The following TMCC1 variants were observed in gnomAD, a reference collection of about 807,000 sequenced individuals.
TMCC1 encodes transmembrane and coiled-coil domains protein 1.
In TMCC1, 15 loss-of-function variants were observed where a neutral mutation model predicts 52.4. The ratio of observed to expected loss-of-function variants is 0.29; its 90% CI spans 0.19 to 0.44. The LOEUF is 0.44. Ranked by LOEUF, TMCC1 falls within the 20% of genes least tolerant of loss-of-function variation. The pLI is 1.00. For missense variants in TMCC1, 503 were observed against 806.0 expected, an observed-to-expected ratio of 0.62 and a Z score of 4.55; for synonymous variants, 279 against 301.9, an observed-to-expected ratio of 0.92 and a Z score of 0.79.
At chr3:129,748,172 C>A (rs1397741687) in intron 4 of TMCC1, among the ~76,000 whole-genome samples, 1 of 152,168 alleles carries the variant, frequency 6.6e-6, no homozygotes, top group African/African-American at 2.4e-5. Context: ...CCAGGTTCAA[C>A]ACTTCCTGTG....
chr3:129,781,728 G>A (rs1472604225), intron 4 of TMCC1, among the ~76,000 whole-genome samples: 4 of 152,084 alleles, frequency 2.6e-5, no homozygotes, highest in Admixed American at 6.6e-5. Flanking sequence ...GAGAAAGGAA[G>A]GCACTGGAGG....
chr3:129,757,389 T>C (rs1052155603), intron 4 of TMCC1, among the ~76,000 whole-genome samples: 3 of 152,180 alleles, frequency 2.0e-5, no homozygotes, highest in African/African-American at 7.2e-5. Context: ...TTCTTCTCTC[T>C]CATGCATTTT....
At chr3:129,766,772 C>T (rs929722165) in intron 4 of TMCC1, among the ~76,000 whole-genome samples, 2 of 151,870 alleles carry the variant, frequency 1.3e-5, no homozygotes, top group African/African-American at 4.8e-5. Flanking sequence ...GCGTGCAACA[C>T]CACACCTGGC....
chr3:129,883,284 T>C (rs371917132), intron 1 of TMCC1, among the ~76,000 whole-genome samples: 158 of 150,660 alleles, frequency 1.0e-3, no homozygotes, highest in African/African-American at 3.4e-3. Flanking sequence ...TGCACTCTAC[T>C]CTGGGTGACA....
chr3:129,822,222 T>G (rs530073298), intron 4 of TMCC1, among the ~76,000 whole-genome samples: 1 of 152,302 alleles, frequency 6.6e-6, no homozygotes, highest in South Asian at 2.1e-4. Flanking sequence ...AGGGAATCAT[T>G]TCAGTATTTG....
chr3:129,849,803 C>T (rs1194432471), intron 2 of TMCC1, among the ~76,000 whole-genome samples: 1 of 146,390 alleles, frequency 6.8e-6, no homozygotes, highest in African/African-American at 2.5e-5. Context: ...TCTCTACATA[C>T]ACACACACAT....
At chr3:129,816,681 G>C (rs1047677081) in intron 4 of TMCC1, among the ~76,000 whole-genome samples, 4 of 152,208 alleles carry the variant, frequency 2.6e-5, no homozygotes, top group Admixed American at 6.5e-5. Flanking sequence ...ATGTTTGATA[G>C]ATCAGTAGGG....
intron 4 of TMCC1, among the ~76,000 whole-genome samples, chr3:129,692,030 GA>G (rs2047063332): frequency 6.6e-6 from 1 of 152,114 alleles, no homozygotes; most frequent in Non-Finnish European, 1.5e-5. Context: ...TATCAGTTTG[GA>G]AACATTTTAA....
chr3:129,807,050 T>C (rs553287577), intron 4 of TMCC1, among the ~76,000 whole-genome samples: 14 of 152,308 alleles, frequency 9.2e-5, no homozygotes, highest in African/African-American at 2.9e-4. Flanking sequence ...AGAAACCTAT[T>C]TTTGCCTAAA....
chr3:129,722,143 C>T (rs1463196291), intron 4 of TMCC1, among the ~76,000 whole-genome samples: 2 of 152,040 alleles, frequency 1.3e-5, no homozygotes. Flanking sequence ...ACCCCTGGGC[C>T]GCAGACCAGT....
intron 4 of TMCC1, among the ~76,000 whole-genome samples, chr3:129,682,415 T>A (rs933528494): frequency 6.6e-6 from 1 of 152,174 alleles, no homozygotes. Flanking sequence ...GACAGTTGCA[T>A]TTTGCAACTG....
chr3:129,652,566 G>A (rs560130901), intron 6 of TMCC1, among the ~76,000 whole-genome samples: 91 of 152,246 alleles, frequency 6.0e-4, no homozygotes, highest in African/African-American at 2.1e-3. Flanking sequence ...GCCAGACAAG[G>A]TTAAATCTCA....
chr3:129,693,441 T>C (rs2047168059), intron 4 of TMCC1, among the ~76,000 whole-genome samples: 1 of 152,042 alleles, frequency 6.6e-6, no homozygotes, highest in Non-Finnish European at 1.5e-5. Flanking sequence ...CATGATACTA[T>C]CTTAATCAGG....
At chr3:129,818,421 G>A (rs1018952497) in intron 4 of TMCC1, among the ~76,000 whole-genome samples, 2 of 146,486 alleles carry the variant, frequency 1.4e-5, no homozygotes, top group African/African-American at 5.0e-5. Flanking sequence ...TTAAAGAAAA[G>A]TTTTAAAGAA....
chr3:129,806,571 C>T (rs1024062566), intron 4 of TMCC1, among the ~76,000 whole-genome samples: 3 of 152,276 alleles, frequency 2.0e-5, no homozygotes, highest in African/African-American at 7.2e-5. Flanking sequence ...CATTTTAATG[C>T]CTCTCTCAAA....
At chr3:129,827,714 A>G in intron 4 of TMCC1, 89 bp downstream of exon 4, 1 of 1,459,718 alleles carries the variant, frequency 6.9e-7, no homozygotes, top group South Asian at 1.4e-5. Flanking sequence ...ATTTGCTGAG[A>G]TATCTTTTTA....
At chr3:129,763,740 C>T (rs372053967) in intron 4 of TMCC1, among the ~76,000 whole-genome samples, 162 of 151,282 alleles carry the variant, frequency 1.1e-3, no homozygotes, top group African/African-American at 3.4e-3. Context: ...TAAGGAGAAT[C>T]GCTTGAACCC....
intron 4 of TMCC1, among the ~76,000 whole-genome samples, chr3:129,730,849 G>T (rs1200426265): frequency 1.3e-5 from 2 of 152,086 alleles, no homozygotes; most frequent in East Asian, 3.9e-4. Flanking sequence ...TAAACTGAAT[G>T]GTTATATAAC....
chr3:129,763,542 CAAAAAAAAA>C (rs11354197), intron 4 of TMCC1, among the ~76,000 whole-genome samples: 3 of 44,664 alleles, frequency 6.7e-5, no homozygotes, highest in African/African-American at 2.5e-4. Context: ...GACCCTGTCT[CAAAAAAAAA>C]AAAAAAAAAA....
Sources: gnomAD v4.1 joint callset for allele counts (sites outside exome capture counted in the v4.1 genomes callset) on GRCh38, gnomAD v4.1.1 for gene constraint, MANE v1.5 for transcripts, NCBI Gene and HGNC (gene_info 2026-07-23, HGNC 2026-07-21) for gene names.